Variants in GLIS3 observed in about 807,000 individuals in gnomAD.
GLIS3 encodes GLIS family zinc finger 3.
Under a neutral mutation model 78.6 loss-of-function variants are expected in GLIS3, and 53 were observed. The observed-to-expected ratio is 0.67, with a 90% CI of 0.54 to 0.85. GLIS3 has a LOEUF of 0.85. Ranked by LOEUF, GLIS3 falls within the 40% of genes least tolerant of loss-of-function variation. The probability of loss-of-function intolerance (pLI) is 0.00; values close to 1 mark genes in which losing one functional copy is unlikely to be tolerated. For synonymous variants in GLIS3, 684 were observed against 509.9 expected, an observed-to-expected ratio of 1.34 and a Z score of -4.60; for missense variants, 1,703 against 1,231.1, an observed-to-expected ratio of 1.38 and a Z score of -5.74.
the GLIS3 span, among the ~76,000 whole-genome samples, chr9:4,465,833 T>C: frequency 0.043 from 6,575 of 152,274 alleles, 453 homozygotes; most frequent in African/African-American, 0.15. Context: ...TTAGTGCTCC[T>C]GCTAAGAACA....
the GLIS3 span, among the ~76,000 whole-genome samples, chr9:4,355,449 G>T: frequency 6.6e-6 from 1 of 152,116 alleles, no homozygotes; most frequent in Non-Finnish European, 1.5e-5. Context: ...AGCACTTCTA[G>T]GAACAATAAC....
At chr9:4,085,722 G>A (rs891877808) in intron 4 of GLIS3, among the ~76,000 whole-genome samples, 7 of 152,106 alleles carry the variant, frequency 4.6e-5, no homozygotes, top group South Asian at 2.1e-4. Context: ...TGCTGTCCTC[G>A]CAATAGTCAG....
At chr9:4,240,798 C>T (rs1163416033) in intron 2 of GLIS3, among the ~76,000 whole-genome samples, 1 of 151,896 alleles carries the variant, frequency 6.6e-6, no homozygotes, top group Non-Finnish European at 1.5e-5. Flanking sequence ...TACAACAAAC[C>T]CTCATGATAT....
the GLIS3 span, among the ~76,000 whole-genome samples, chr9:4,364,258 C>A: frequency 1.3e-5 from 2 of 152,190 alleles, no homozygotes; most frequent in Non-Finnish European, 2.9e-5. Flanking sequence ...TCTCTGTAGA[C>A]CTTTGGTCAT....
chr9:4,352,955 T>C (rs971509873), upstream of GLIS3, among the ~76,000 whole-genome samples: 6 of 152,210 alleles, frequency 3.9e-5, no homozygotes, highest in African/African-American at 1.4e-4. Context: ...CAGGCTAAGA[T>C]ATAGGGTCCT....
Position 4,020,843 on chromosome 9 carries a change from C to T in GLIS3, c.1711-83654G>A, listed in dbSNP as rs747590561. On this transcript the variant is annotated intron_variant, in intron 4 of 10. Transcript: ENST00000381971. ...AAATTCTCTCTTGCTGCCACCCTGACGTAAGCAAATGATACTGGTCGTGTA... is the reference window on the plus strand; with the variant it reads ...AAATTCTCTCTTGCTGCCACCCTGATGTAAGCAAATGATACTGGTCGTGTA... 7.2e-5 allele frequency among the ~76,000 whole-genome samples: 11 copies of T among 152,174 alleles called. 1 individual carries two copies. The highest frequency in any genetic ancestry group is 2.4e-4 in the African/African-American group (10 of 41,436).
rs368283455 is a variant in GLIS3 at position 4,045,397 on chromosome 9, G to A, written c.1710+72371C>T. 1.6e-4 allele frequency among the ~76,000 whole-genome samples: 25 copies of A among 152,062 alleles called. No homozygotes were observed. In the East Asian group the frequency reaches 2.9e-3, roughly 18 times the overall value. On this transcript the variant is annotated intron_variant, in intron 4 of 10. Transcript: ENST00000381971. ...ATCACCCAGGCTGGAGTGCAGTGGT[G>A]CGATCTCGGCTCACTGCATCCTCCA...
At chr9:4,380,222 C>G in the GLIS3 span, among the ~76,000 whole-genome samples, 14 of 152,326 alleles carry the variant, frequency 9.2e-5, no homozygotes, top group African/African-American at 2.6e-4. Flanking sequence ...AATTTGCCTT[C>G]TTGCCTGCTA....
chr9:4,255,332 A>T (rs1326545191), intron 2 of GLIS3, among the ~76,000 whole-genome samples: 1 of 152,148 alleles, frequency 6.6e-6, no homozygotes, highest in Non-Finnish European at 1.5e-5. Flanking sequence ...ATATATCCTT[A>T]CCATATGTCC....
Position 3,879,818 on chromosome 9 carries a change from C to T in GLIS3, c.2129-223G>A, listed in dbSNP as rs4740743. Among the ~76,000 whole-genome samples, 111,687 of 151,978 alleles carry T rather than the reference C, an allele frequency of 0.73. 41,273 individuals carry two copies. The highest frequency in any genetic ancestry group is 0.8 in the East Asian group (4,119 of 5,164). On this transcript the variant is annotated intron_variant, in intron 7 of 10. Coordinates refer to ENST00000381971, the MANE Select transcript of GLIS3 (RefSeq NM_001042413.2). ...CTGGCTCGCTTCAGGCTGATGTTCA[C>T]GGTCTGTCTCCTAAGTGCTGCCATG...
At chr9:4,376,185 A>G in the GLIS3 span, among the ~76,000 whole-genome samples, 1 of 152,148 alleles carries the variant, frequency 6.6e-6, no homozygotes, top group South Asian at 2.1e-4. Context: ...TCTGGTGGAG[A>G]GATTGTCCCT....
At chr9:3,851,878 C>T (rs1588085880) in intron 9 of GLIS3, among the ~76,000 whole-genome samples, 2 of 152,006 alleles carry the variant, frequency 1.3e-5, no homozygotes, top group South Asian at 4.2e-4. Context: ...AGTGGTGGCT[C>T]ATGCCTGTAA....
chr9:4,011,240 C>G (rs1041028623), intron 4 of GLIS3, among the ~76,000 whole-genome samples: 1 of 152,160 alleles, frequency 6.6e-6, no homozygotes, highest in Non-Finnish European at 1.5e-5. Context: ...TGGCAAGCAG[C>G]TGCTGAGGTG....
At chr9:4,442,922 C>T in the GLIS3 span, among the ~76,000 whole-genome samples, 1 of 152,024 alleles carries the variant, frequency 6.6e-6, no homozygotes, top group Non-Finnish European at 1.5e-5. Flanking sequence ...TTAGAGATTC[C>T]CTAGGGTGAT....
At chr9:4,285,876 C>A in intron 2 of GLIS3, 162 bp downstream of exon 2, 1 of 823,254 alleles carries the variant, frequency 1.2e-6, no homozygotes, top group Admixed American at 2.0e-5. Flanking sequence ...AACACATACA[C>A]ACCCATTCCC....
intron 2 of GLIS3, among the ~76,000 whole-genome samples, chr9:4,228,717 A>G (rs991340676): frequency 7.2e-5 from 11 of 152,218 alleles, no homozygotes; most frequent in African/African-American, 2.7e-4. Context: ...TGTGAACACA[A>G]TATGAAATGA....
intron 2 of GLIS3, among the ~76,000 whole-genome samples, chr9:4,321,370 C>G (rs1345547681): frequency 4.6e-5 from 5 of 109,514 alleles, no homozygotes; most frequent in Admixed American, 1.2e-4. Context: ...TGCAGGGAGC[C>G]GAGATGGCGC....
At chr9:4,454,012 T>C in the GLIS3 span, among the ~76,000 whole-genome samples, 1 of 151,206 alleles carries the variant, frequency 6.6e-6, no homozygotes, top group Non-Finnish European at 1.5e-5. Flanking sequence ...TAAAAGAAAA[T>C]AAATTTTAAA....
At chr9:4,415,443 C>T in the GLIS3 span, among the ~76,000 whole-genome samples, 16 of 152,242 alleles carry the variant, frequency 1.1e-4, no homozygotes, top group South Asian at 2.1e-4. Flanking sequence ...CTCAGCCTTT[C>T]TGGCTTCTAA....
Sources: allele counts gnomAD v4.1 joint callset (sites outside exome capture counted in the v4.1 genomes callset), GRCh38; gene constraint gnomAD v4.1.1; transcripts MANE v1.5; gene names NCBI Gene and HGNC (gene_info 2026-07-23, HGNC 2026-07-21).